Variants in DENND10 observed in about 807,000 individuals in gnomAD.
DENND10 encodes the protein DENN domain containing 10, also known as DENN domain-containing protein 10.
DENND10 carries 24 observed loss-of-function variants against 43.6 expected under a neutral mutation model. That is an observed-to-expected ratio of 0.55 (90% CI 0.40 to 0.77). DENND10 has a LOEUF of 0.77. DENND10 is among the 30% of genes least tolerant of loss of function. The pLI is 0.00. For missense variants in DENND10, 303 were observed against 429.9 expected, an observed-to-expected ratio of 0.70 and a Z score of 2.61; for synonymous variants, 125 against 157.6, an observed-to-expected ratio of 0.79 and a Z score of 1.55.
intron 5 of DENND10, 61 bp downstream of exon 5, chr10:119,120,513 T>C (rs1018936398): frequency 5.0e-6 from 5 of 1,007,940 alleles, no homozygotes; most frequent in Non-Finnish European, 7.9e-6. Flanking sequence ...CAGCACTAGA[T>C]GTTACTGTGT....
chr10:119,136,897 T>G lies in DENND10; in HGVS notation c.*250T>G. On this transcript the variant is annotated 3_prime_UTR_variant, in exon 9 of 9. Transcript: ENST00000361432. ...GTGCTATAACTACTTTATGTAACAT[T>G]ACAGAACAGCTAGAGGTCCTGGGGT... 5.4e-6 allele frequency: 2 copies of G among 373,162 alleles called. No homozygotes were observed. Among genetic ancestry groups the G allele is most frequent in the South Asian group, 9.3e-5 (2 of 21,542 alleles). The allele number at this position is 373,162 out of a possible 1,614,324, so 23.1% of individuals were successfully genotyped here.
intron 1 of DENND10, chr10:119,105,519 A>C (rs1461828457): frequency 8.6e-7 from 1 of 1,168,830 alleles, no homozygotes; most frequent in Non-Finnish European, 1.1e-6. Flanking sequence ...TTTATTTCTA[A>C]TGTGATTTTC....
chr10:119,112,330 G>A (rs1278952800), intron 3 of DENND10, among the ~76,000 whole-genome samples: 1 of 152,082 alleles, frequency 6.6e-6, no homozygotes, highest in African/African-American at 2.4e-5. Flanking sequence ...GAATTATGCC[G>A]AAGCACAATA....
At chr10:119,112,470 C>CTTTTCT (rs1256212810) in intron 3 of DENND10, among the ~76,000 whole-genome samples, 7 of 148,992 alleles carry the variant, frequency 4.7e-5, no homozygotes, top group Admixed American at 1.3e-4. Context: ...AGTCTATTTT[C>CTTTTCT]TTTTCTTTTT....
In DENND10 at chr10:119,112,185, C is replaced by T. The variant is rs549844988; in HGVS notation, c.332+257C>T. On this transcript the variant is annotated intron_variant, in intron 3 of 8. Coordinates refer to ENST00000361432, the MANE Select transcript of DENND10 (RefSeq NM_207009.4). ...AGCTCCTGGGTGTTTTGAATCACTTCCTACTTTTGATCTGTTACTTCTGTT... is the reference window on the plus strand; with the variant it reads ...AGCTCCTGGGTGTTTTGAATCACTTTCTACTTTTGATCTGTTACTTCTGTT... Among the ~76,000 whole-genome samples, 53 of 152,220 alleles carry T rather than the reference C, an allele frequency of 3.5e-4. No homozygotes were observed. The South Asian group carries it at 6.0e-3, about 17-fold the overall frequency.
At chr10:119,113,573 A>G (rs1490870214) in intron 3 of DENND10, among the ~76,000 whole-genome samples, 1 of 151,648 alleles carries the variant, frequency 6.6e-6, no homozygotes, top group Non-Finnish European at 1.5e-5. Flanking sequence ...TTTCCCTAAT[A>G]CAGAGATTTT....
chr10:119,135,809 A>AAAAAAAAAAAAAC (rs1564804519), intron 8 of DENND10, among the ~76,000 whole-genome samples: 6 of 150,184 alleles, frequency 4.0e-5, no homozygotes, highest in African/African-American at 1.5e-4. Flanking sequence ...AAAAAAAAAA[A>AAAAAAAAAAAAAC]AAAAAAACCA....
intron 3 of DENND10, among the ~76,000 whole-genome samples, chr10:119,112,634 CA>C (rs1017391574): frequency 7.9e-5 from 12 of 151,520 alleles, no homozygotes; most frequent in Non-Finnish European, 1.6e-4. Flanking sequence ...GCAAGGACTG[CA>C]GGTGCGCACT....
intron 5 of DENND10, among the ~76,000 whole-genome samples, chr10:119,121,739 C>G (rs1045317232): frequency 6.6e-6 from 1 of 151,962 alleles, no homozygotes; most frequent in Non-Finnish European, 1.5e-5. Flanking sequence ...AGGCATGAGC[C>G]ACTGTGCCCG....
chr10:119,104,308 A>T, intron 1 of DENND10, 111 bp downstream of exon 1: 3 of 1,020,802 alleles, frequency 2.9e-6, no homozygotes, highest in Non-Finnish European at 4.1e-6. Flanking sequence ...CCGCATGAGG[A>T]GGGCGCGGCC....
In DENND10 at chr10:119,132,886, G is replaced by A. The variant is rs550134140; in HGVS notation, c.897+277G>A. 2.5e-6 allele frequency: 1 copy of A among 401,988 alleles called. No individual in the cohort carries two copies. The highest frequency in any genetic ancestry group is 4.1e-5 in the South Asian group (1 of 24,496). 24.9% of individuals were successfully genotyped at this position (401,988 alleles called of 1,614,324 possible). A position where few individuals can be genotyped will look rare whatever the true frequency, so the allele number is the denominator to read the frequency against. On this transcript the variant is annotated intron_variant, in intron 8 of 8. Transcript: ENST00000361432. This position sits in a 1 kb window ranked among gnomAD's most constrained non-coding sequence, Gnocchi z 4.2. ...AATGTAACTACCAAGTGGTCTGGAA[G>A]GCTTTTCTGGGCCAGCCAGTGCATT...
chr10:119,117,898 C>T (rs892892570), intron 4 of DENND10, among the ~76,000 whole-genome samples: 4 of 151,816 alleles, frequency 2.6e-5, no homozygotes, highest in South Asian at 2.1e-4. Flanking sequence ...ACCTGGAAGG[C>T]GGAGGTTGCA....
Position 119,111,432 on chromosome 10 carries a change from G to C in DENND10, c.253-417G>C, listed in dbSNP as rs567289971. 2.0e-5 allele frequency among the ~76,000 whole-genome samples: 3 copies of C among 151,320 alleles called. No homozygotes were observed. The South Asian group carries it at 6.3e-4, about 32-fold the overall frequency. On this transcript the variant is annotated intron_variant, in intron 2 of 8. Transcript: ENST00000361432. ...TCAAGTCCAGCCTAGGCAACATAGT[G>C]AGACCCCAACTCAAAAAAAAAAATA...
At chr10:119,134,350 ATTTT>A (rs71016544) in intron 8 of DENND10, 2 of 132,048 alleles carry the variant, frequency 1.5e-5, no homozygotes, top group Non-Finnish European at 1.6e-5. Flanking sequence ...AGAAGACATG[ATTTT>A]TTTTTTTTTT....
At position 119,108,126 on chromosome 10, in the gene DENND10, A is replaced by T. The variant is rs1167727443; in HGVS notation, c.214A>T (p.Thr72Ser). ...GQYRRTWFYI[T>S]TIEVPDSSIL... ...GTACAGAAGAACATGGTTTTATATC[A>T]CAACAATTGAAGTTCCAGATTCTTC... The change falls in exon 2 of 9, where the codon ACA becomes TCA. Residue 72 changes from threonine to serine, a missense_variant. Thr to Ser is a moderately conservative substitution (Grantham distance 58). Transcript: ENST00000361432. The T allele has an allele frequency of 1.9e-6, 3 of 1,613,820 alleles. No homozygotes were observed. Among genetic ancestry groups the T allele is most frequent in the Non-Finnish European group, 2.5e-6 (3 of 1,179,732 alleles).
At chr10:119,107,148 C>T (rs1844732223) in intron 1 of DENND10, among the ~76,000 whole-genome samples, 1 of 152,006 alleles carries the variant, frequency 6.6e-6, no homozygotes. Context: ...GAAACCCTGT[C>T]TCTACTAAAA....
At chr10:119,113,462 G>A (rs561961912) in intron 3 of DENND10, among the ~76,000 whole-genome samples, 3 of 151,028 alleles carry the variant, frequency 2.0e-5, no homozygotes, top group African/African-American at 7.3e-5. Flanking sequence ...TTTTCAAAGC[G>A]CTGAGATTAC....
At chr10:119,130,746 G>C (rs1348658431) in intron 7 of DENND10, among the ~76,000 whole-genome samples, 1 of 152,204 alleles carries the variant, frequency 6.6e-6, no homozygotes, top group Non-Finnish European at 1.5e-5. Flanking sequence ...AATGTGCATG[G>C]CTGTTGGCAG....
At chr10:119,107,790 A>T (rs759613409) in intron 1 of DENND10, among the ~76,000 whole-genome samples, 178 bp from the exon 2 acceptor site, 3 of 152,226 alleles carry the variant, frequency 2.0e-5, no homozygotes, top group Admixed American at 6.6e-5. Flanking sequence ...ATTCAGGATC[A>T]TGACAGCTAG....
Sources: gnomAD v4.1 joint callset for allele counts (sites outside exome capture counted in the v4.1 genomes callset) on GRCh38, gnomAD v4.1.1 for gene constraint, Gnocchi (gnomAD v3.1) non-coding constraint, MANE v1.5 for transcripts, NCBI Gene and HGNC (gene_info 2026-07-23, HGNC 2026-07-21) for gene names.